MYO1H: variants seen among roughly 807,000 people sequenced by gnomAD.
MYO1H encodes unconventional myosin-Ih.
Under a neutral mutation model 149.3 loss-of-function variants are expected in MYO1H, and 118 were observed. The ratio of observed to expected loss-of-function variants is 0.79; its 90% CI spans 0.68 to 0.92. The LOEUF (loss-of-function observed/expected upper bound fraction) is 0.92. Among genes scored for constraint, MYO1H ranks in the 40% least tolerant of loss-of-function variants. The probability of loss-of-function intolerance (pLI) is 0.00; values close to 1 mark genes in which losing one functional copy is unlikely to be tolerated. For synonymous variants in MYO1H, 447 were observed against 465.2 expected (o/e 0.96, Z 0.50); for missense variants, 1,212 against 1,280.7 (o/e 0.95, Z 0.82).
chr12:109,395,869 G>C (rs1297171665), intron 3 of MYO1H, among the ~76,000 whole-genome samples: 1 of 146,184 alleles, frequency 6.8e-6, no homozygotes, highest in Non-Finnish European at 1.5e-5. Flanking sequence ...TTTCGGGTTT[G>C]GGTTTTTTTG....
At chr12:109,312,415 TA>T in the MYO1H span, among the ~76,000 whole-genome samples, 3 of 151,738 alleles carry the variant, frequency 2.0e-5, no homozygotes, top group Non-Finnish European at 4.4e-5. Flanking sequence ...TGTTTTGTTT[TA>T]AGTAGAGACG....
At chr12:109,367,368 C>T (rs1433582904) in intron 1 of MYO1H, among the ~76,000 whole-genome samples, 1 of 152,122 alleles carries the variant, frequency 6.6e-6, no homozygotes, top group Non-Finnish European at 1.5e-5. Context: ...AATATGTTCT[C>T]TCTCGCTTGC....
At chr12:109,418,199 G>A (rs1871013381) in intron 15 of MYO1H, among the ~76,000 whole-genome samples, 1 of 151,332 alleles carries the variant, frequency 6.6e-6, no homozygotes, top group African/African-American at 2.4e-5. Flanking sequence ...TATACAATTT[G>A]CAAATATTTT....
At chr12:109,374,378 A>G (rs895353019) in intron 1 of MYO1H, among the ~76,000 whole-genome samples, 1 of 152,204 alleles carries the variant, frequency 6.6e-6, no homozygotes, top group African/African-American at 2.4e-5. Context: ...TAAAATACCT[A>G]CTACCTCATA....
At chr12:109,434,990 T>A in intron 20 of MYO1H, 47 bp from the exon 21 acceptor site, 1 of 1,268,940 alleles carries the variant, frequency 7.9e-7, no homozygotes, top group Non-Finnish European at 1.1e-6. Flanking sequence ...ACCCACTAGA[T>A]GGTAAACTGA....
intron 1 of MYO1H, among the ~76,000 whole-genome samples, chr12:109,372,135 A>G (rs1276672751): frequency 6.6e-6 from 1 of 152,032 alleles, no homozygotes; most frequent in Non-Finnish European, 1.5e-5. Flanking sequence ...TTTTCTAGGG[A>G]GAAATATTTT....
At chr12:109,430,890 C>T (rs966866843) in intron 19 of MYO1H, among the ~76,000 whole-genome samples, 18 of 152,100 alleles carry the variant, frequency 1.2e-4, no homozygotes, top group Non-Finnish European at 2.5e-4. Flanking sequence ...CGCACCACTG[C>T]ACTCCAGTCT....
chr12:109,433,091 C>T, intron 20 of MYO1H, 81 bp downstream of exon 20: 1 of 1,126,092 alleles, frequency 8.9e-7, no homozygotes, highest in Non-Finnish European at 1.3e-6. Flanking sequence ...CCATCTAGAG[C>T]CTGGAGACTC....
At chr12:109,446,955 C>T (rs1034877914) in intron 31 of MYO1H, 3 of 623,774 alleles carry the variant, frequency 4.8e-6, no homozygotes, top group Non-Finnish European at 8.7e-6. Flanking sequence ...GTCCATCTTC[C>T]TCCCTGACTG....
chr12:109,411,083 A>T (rs911121829), intron 13 of MYO1H, among the ~76,000 whole-genome samples: 1 of 152,170 alleles, frequency 6.6e-6, no homozygotes, highest in African/African-American at 2.4e-5. Flanking sequence ...CAGAGGTTGC[A>T]GTGAGCTGAG....
intron 1 of MYO1H, among the ~76,000 whole-genome samples, chr12:109,365,469 C>T (rs1410938824): frequency 6.6e-6 from 1 of 152,128 alleles, no homozygotes; most frequent in Non-Finnish European, 1.5e-5. Context: ...GCTTTCTTCT[C>T]AGTCTCTTTC....
rs1566044974 is a variant in MYO1H, at chr12:109,443,128, A to ATATGTGTGTATATGTGTACG, written c.2689-383_2689-382insGTGTGTATATGTGTACGTAT. ...CGTATATGTGTGTATATGTGTACGT[A>ATATGTGTGTATATGTGTACG]TATATGTGTGTATATGTGTACGTAT... is the stretch of plus-strand genomic sequence containing the variant. On this transcript the variant is annotated intron_variant, in intron 27 of 31. Coordinates refer to ENST00000310903, the Ensembl canonical transcript of MYO1H. Among the ~76,000 whole-genome samples the ATATGTGTGTATATGTGTACG allele has an allele frequency of 5.1e-3, 60 of 11,830 alleles. 16 individuals carry two copies. In the Middle Eastern group the frequency reaches 0.088, roughly 17 times the overall value. 7.8% of individuals were successfully genotyped at this position (11,830 alleles called of 152,430 possible). A position where few individuals can be genotyped will look rare whatever the true frequency, so the allele number is the denominator to read the frequency against.
At chr12:109,411,793 C>CT in intron 13 of MYO1H, 101 bp from the exon 14 acceptor site, 1 of 782,422 alleles carries the variant, frequency 1.3e-6, no homozygotes. Flanking sequence ...AATTGACAGT[C>CT]TTTTAGTCCA....
the MYO1H span, among the ~76,000 whole-genome samples, chr12:109,331,999 G>A: frequency 6.6e-6 from 1 of 152,090 alleles, no homozygotes; most frequent in Non-Finnish European, 1.5e-5. Context: ...ATTTGAGCAC[G>A]GGAATAATGT....
rs911793118 is a variant in MYO1H at position 109,409,816 on chromosome 12, A to G, written c.1224-147A>G. ...AAAAATGCAAATATATTTTCACTTG[A>G]CTCTTATGATCTATTTAGTAAATTA... On this transcript the variant is annotated intron_variant, in intron 11 of 31. Transcript: ENST00000310903. The G allele has an allele frequency of 6.0e-6, 4 of 664,614 alleles. No homozygotes were observed. The African/African-American group carries it at 7.4e-5, about 12-fold the overall frequency. The allele number at this position is 664,614 out of a possible 1,614,324, so 41.2% of individuals were successfully genotyped here. A position where few individuals can be genotyped will look rare whatever the true frequency, so the allele number is the denominator to read the frequency against.
intron 1 of MYO1H, among the ~76,000 whole-genome samples, chr12:109,384,367 T>A (rs868122165): frequency 1.3e-5 from 2 of 152,352 alleles, no homozygotes; most frequent in Middle Eastern, 3.4e-3. Flanking sequence ...AATTTAATTT[T>A]CTTAGGTGTA....
chr12:109,440,334 CCGACAGAGTACTTT>C (rs1872065300), intron 24 of MYO1H, among the ~76,000 whole-genome samples: 1 of 152,174 alleles, frequency 6.6e-6, no homozygotes, highest in East Asian at 1.9e-4. Context: ...CCGTGCCCAG[CCGACAGAGTACTTT>C]CGAATCATTT....
the MYO1H span, among the ~76,000 whole-genome samples, chr12:109,330,386 G>A: frequency 1.3e-5 from 2 of 151,918 alleles, no homozygotes; most frequent in Non-Finnish European, 2.9e-5. Context: ...ATTTTTAATA[G>A]CAACAGACAT....
At chr12:109,314,957 C>G in the MYO1H span, among the ~76,000 whole-genome samples, 2 of 152,090 alleles carry the variant, frequency 1.3e-5, no homozygotes, top group African/African-American at 4.8e-5. Context: ...CAAAAATTAG[C>G]CAGCTGTGGT....
Sources: allele counts gnomAD v4.1 joint callset (sites outside exome capture counted in the v4.1 genomes callset), GRCh38; gene constraint gnomAD v4.1.1; transcripts MANE v1.5; gene names NCBI Gene and HGNC (gene_info 2026-07-23, HGNC 2026-07-21).